The following ZC3H12B variants were observed in gnomAD, a reference collection of about 807,000 sequenced individuals.
The protein encoded by ZC3H12B is zinc finger CCCH-type containing 12B.
ZC3H12B carries 7 observed loss-of-function variants against 43.9 expected under a neutral mutation model. The observed-to-expected ratio is 0.16, with a 90% CI of 0.09 to 0.30. ZC3H12B has a LOEUF of 0.30. Ranked by LOEUF, ZC3H12B falls within the 10% of genes least tolerant of loss-of-function variation. The pLI is 1.00. For synonymous variants in ZC3H12B, 222 were observed against 241.7 expected (o/e 0.92, Z 0.76); for missense variants, 475 against 670.2 (o/e 0.71, Z 3.22).
At chrX:65,419,589 A>G (rs2066995853) in intron 3 of ZC3H12B, among the ~76,000 whole-genome samples, 1 of 111,530 alleles carries the variant, frequency 9.0e-6, no homozygotes, top group Non-Finnish European at 1.9e-5. Flanking sequence ...GGAGCACAGC[A>G]TTGAGAATGA....
chrX:65,101,605 A>G, the ZC3H12B span, among the ~76,000 whole-genome samples: 5 of 112,420 alleles, frequency 4.4e-5, no homozygotes, highest in Admixed American at 3.7e-4. Flanking sequence ...AGAGAATACT[A>G]TAAACACCTC....
At chrX:65,315,712 A>G in the ZC3H12B span, among the ~76,000 whole-genome samples, 2 of 112,455 alleles carry the variant, frequency 1.8e-5, no homozygotes, top group East Asian at 5.6e-4. Context: ...CAGGCCACAC[A>G]GATGAGAAAG....
the ZC3H12B span, among the ~76,000 whole-genome samples, chrX:65,044,284 A>G: frequency 5.4e-5 from 6 of 111,436 alleles, no homozygotes; most frequent in Non-Finnish European, 7.5e-5. Context: ...AGAATATGCA[A>G]TGGCCCTGAG....
chrX:65,102,828 G>A, the ZC3H12B span, among the ~76,000 whole-genome samples: 10 of 111,294 alleles, frequency 9.0e-5, no homozygotes, highest in East Asian at 1.7e-3. Context: ...ATCACATGTC[G>A]GCAGGTTCCG....
the ZC3H12B span, among the ~76,000 whole-genome samples, chrX:65,162,147 G>A: frequency 9.0e-6 from 1 of 111,563 alleles, no homozygotes; most frequent in Non-Finnish European, 1.9e-5. Flanking sequence ...CTGTTAGTCT[G>A]ATGGGCTTCC....
the ZC3H12B span, among the ~76,000 whole-genome samples, chrX:65,119,432 G>C: frequency 1.6e-4 from 18 of 112,040 alleles, no homozygotes; most frequent in Admixed American, 3.8e-4. Context: ...GTCTCTGTTG[G>C]CTGCATAAAT....
At position 65,435,699 on chromosome X, in the gene ZC3H12B, T is replaced by TAGAC. The variant is rs1247503807; in HGVS notation, n.407+36998_407+37001dup. Among the ~76,000 whole-genome samples the TAGAC allele has an allele frequency of 1.4e-4, 15 of 105,181 alleles. No individual in the cohort carries two copies. The East Asian group carries it at 2.4e-3, about 17-fold the overall frequency. The allele number at this position is 105,181 out of a possible 115,157, so 91.3% of individuals were successfully genotyped here. On this transcript the variant is annotated intron_variant and non_coding_transcript_variant, in intron 3 of 5. Transcript: ENST00000617377. ...ATAGATAGATAGATAGATAGATAGA[T>TAGAC]AGACAGTCAGATAGATGAGAGGGGA...
At chrX:65,192,746 T>C in the ZC3H12B span, among the ~76,000 whole-genome samples, 8 of 107,096 alleles carry the variant, frequency 7.5e-5, no homozygotes, top group South Asian at 3.2e-3. Flanking sequence ...TTTGTTTTGC[T>C]AATATTTTAT....
At chrX:65,359,376 CT>C in the ZC3H12B span, among the ~76,000 whole-genome samples, 1 of 111,779 alleles carries the variant, frequency 8.9e-6, no homozygotes. Flanking sequence ...AATGATTCAT[CT>C]GATGAACCTG....
the ZC3H12B span, among the ~76,000 whole-genome samples, chrX:65,172,642 T>C: frequency 2.7e-5 from 3 of 112,589 alleles, no homozygotes; most frequent in African/African-American, 9.7e-5. Flanking sequence ...TTTCTGCATA[T>C]GGCTTGCCAG....
the ZC3H12B span, among the ~76,000 whole-genome samples, chrX:65,116,610 C>T: frequency 5.0e-4 from 55 of 109,807 alleles, no homozygotes; most frequent in Middle Eastern, 4.7e-3. Flanking sequence ...TACATGTGTA[C>T]AACATGCAGG....
the ZC3H12B span, among the ~76,000 whole-genome samples, chrX:65,224,489 G>T: frequency 1.8e-5 from 2 of 112,568 alleles, no homozygotes; most frequent in African/African-American, 3.2e-5. Context: ...GAAGTACCGG[G>T]TTCATCTCAC....
the ZC3H12B span, among the ~76,000 whole-genome samples, chrX:65,350,664 G>A: frequency 8.1e-5 from 9 of 111,788 alleles, no homozygotes; most frequent in African/African-American, 2.9e-4. Flanking sequence ...AAAATTACAA[G>A]CATTTCTATA....
At chrX:65,175,450 C>G in the ZC3H12B span, among the ~76,000 whole-genome samples, 1 of 111,840 alleles carries the variant, frequency 8.9e-6, no homozygotes, top group South Asian at 3.7e-4. Context: ...TAATGACTAT[C>G]CAGCTCAAGA....
the ZC3H12B span, among the ~76,000 whole-genome samples, chrX:65,264,638 A>T: frequency 9.0e-6 from 1 of 111,700 alleles, no homozygotes; most frequent in African/African-American, 3.2e-5. Flanking sequence ...ACTACTTGTG[A>T]AGAAGACAGA....
chrX:65,442,994 G>C (rs890848877), intron 3 of ZC3H12B, among the ~76,000 whole-genome samples: 1 of 110,545 alleles, frequency 9.0e-6, no homozygotes, highest in Non-Finnish European at 1.9e-5. Context: ...AAGATTTGGG[G>C]GGTCATTTTC....
the ZC3H12B span, among the ~76,000 whole-genome samples, chrX:65,318,757 T>C: frequency 5.4e-5 from 6 of 111,045 alleles, no homozygotes; most frequent in Non-Finnish European, 1.1e-4. Flanking sequence ...TCTATTCATG[T>C]CCTTAGCCCA....
the ZC3H12B span, among the ~76,000 whole-genome samples, chrX:65,346,459 A>G: frequency 9.0e-6 from 1 of 111,499 alleles, no homozygotes; most frequent in Admixed American, 9.6e-5. Context: ...ATCTTTCACT[A>G]TATACAAAAA....
the ZC3H12B span, among the ~76,000 whole-genome samples, chrX:65,241,534 G>A: frequency 8.9e-6 from 1 of 112,319 alleles, no homozygotes; most frequent in African/African-American, 3.2e-5. Flanking sequence ...CCACAGGGAG[G>A]TCGCCCCTGA....
Sources: allele counts gnomAD v4.1 joint callset (sites outside exome capture counted in the v4.1 genomes callset), GRCh38; gene constraint gnomAD v4.1.1; transcripts MANE v1.5; gene names NCBI Gene and HGNC (gene_info 2026-07-23, HGNC 2026-07-21).